The following KCNN2 variants were observed in gnomAD, a reference collection of about 807,000 sequenced individuals.
KCNN2 encodes small conductance calcium-activated potassium channel protein 2.
In KCNN2, 24 loss-of-function variants were observed where a neutral mutation model predicts 55.5. The observed-to-expected ratio is 0.43, with a 90% CI of 0.31 to 0.61. The LOEUF (loss-of-function observed/expected upper bound fraction) is 0.61. KCNN2 is among the 20% of genes least tolerant of loss of function. The probability of loss-of-function intolerance (pLI) is 0.08; values close to 1 mark genes in which losing one functional copy is unlikely to be tolerated. For missense variants in KCNN2, 754 were observed against 853.6 expected, an observed-to-expected ratio of 0.88 and a Z score of 1.45; for synonymous variants, 431 against 336.1, an observed-to-expected ratio of 1.28 and a Z score of -3.09.
At chr5:114,368,419 G>A (rs530021002) in intron 2 of KCNN2, among the ~76,000 whole-genome samples, 2 of 151,952 alleles carry the variant, frequency 1.3e-5, no homozygotes, top group African/African-American at 2.4e-5. Flanking sequence ...CTCTTCATTC[G>A]TGCACCAAGG....
At chr5:114,308,878 TGAAGA>T (rs1050687732) in intron 2 of KCNN2, among the ~76,000 whole-genome samples, 8 of 152,212 alleles carry the variant, frequency 5.3e-5, no homozygotes, top group South Asian at 2.1e-4. Context: ...TATTCCTTTC[TGAAGA>T]GAAGAGTGAA....
chr5:114,093,040 T>G (rs986658795), intron 1 of KCNN2, among the ~76,000 whole-genome samples: 2 of 152,160 alleles, frequency 1.3e-5, no homozygotes, highest in Non-Finnish European at 2.9e-5. Context: ...AGAAAATGGG[T>G]TTTTCTTTTC....
chr5:114,398,738 T>A (rs1287311646), intron 2 of KCNN2, among the ~76,000 whole-genome samples: 6 of 152,152 alleles, frequency 3.9e-5, no homozygotes, highest in Non-Finnish European at 7.3e-5. Flanking sequence ...TTTGTAATTT[T>A]CCTCACAGAG....
chr5:114,211,545 C>T (rs1753886154), intron 1 of KCNN2, among the ~76,000 whole-genome samples: 1 of 152,040 alleles, frequency 6.6e-6, no homozygotes, highest in Non-Finnish European at 1.5e-5. Context: ...GAACAACAGA[C>T]TCTGGGACCT....
chr5:114,352,514 A>C (rs965816459), intron 2 of KCNN2, among the ~76,000 whole-genome samples: 1 of 151,310 alleles, frequency 6.6e-6, no homozygotes, highest in South Asian at 2.1e-4. Flanking sequence ...GTAATATGTT[A>C]GCTTATTGAT....
At chr5:114,454,984 C>T (rs1408807446) in intron 3 of KCNN2, among the ~76,000 whole-genome samples, 2 of 152,056 alleles carry the variant, frequency 1.3e-5, no homozygotes, top group African/African-American at 4.8e-5. Context: ...ACTATTTGCT[C>T]CATCTCTTTT....
At chr5:114,175,291 G>A (rs983848104) in intron 1 of KCNN2, among the ~76,000 whole-genome samples, 8 of 152,072 alleles carry the variant, frequency 5.3e-5, no homozygotes, top group African/African-American at 1.9e-4. Context: ...CTAAGGATTG[G>A]CATCTGTTGC....
At chr5:114,360,372 T>C (rs1215794543), upstream of KCNN2, among the ~76,000 whole-genome samples, 1 of 152,166 alleles carries the variant, frequency 6.6e-6, no homozygotes. Context: ...ATCAAGAAAT[T>C]GGATCCAGCT....
intron 2 of KCNN2, among the ~76,000 whole-genome samples, chr5:114,334,735 T>G (rs954917225): frequency 2.6e-5 from 4 of 152,244 alleles, no homozygotes; most frequent in African/African-American, 2.4e-5. Flanking sequence ...GTACTAATAC[T>G]ATGTATTTAA....
intron 2 of KCNN2, among the ~76,000 whole-genome samples, chr5:114,322,228 G>A (rs1369651188): frequency 6.6e-6 from 1 of 152,166 alleles, no homozygotes; most frequent in Non-Finnish European, 1.5e-5. Flanking sequence ...ATGACAGAAT[G>A]TTGGGGCTTA....
chr5:114,117,856 C>T (rs551736311), intron 1 of KCNN2, among the ~76,000 whole-genome samples: 37 of 152,314 alleles, frequency 2.4e-4, no homozygotes, highest in South Asian at 1.0e-3. Flanking sequence ...TGCTCTACCT[C>T]TGAGCTGTAC....
At chr5:114,454,364 C>T (rs1017858030) in intron 3 of KCNN2, among the ~76,000 whole-genome samples, 2 of 151,936 alleles carry the variant, frequency 1.3e-5, no homozygotes, top group African/African-American at 2.4e-5. Context: ...GCCATTCTCT[C>T]GTATTAAGAG....
At chr5:114,482,450 T>G (rs1257840130) in intron 5 of KCNN2, among the ~76,000 whole-genome samples, 1 of 152,114 alleles carries the variant, frequency 6.6e-6, no homozygotes, top group South Asian at 2.1e-4. Flanking sequence ...AATTCAACCA[T>G]TGTGAAAGAC....
In KCNN2 at chr5:114,493,445, A is replaced by G; in HGVS notation, c.2061A>G (p.Gln687=). Residue 687 remains glutamine, a synonymous_variant, in exon 7 of 8, where the codon CAA becomes CAG. Transcript: ENST00000673685. ...VKMEQRKLND[Q]ANTLVDLAKT... is the part of the protein sequence containing the mutation. ...TGGAGCAGAGGAAACTGAATGACCAAGCAAACACTTTGGTGGACTTGGCAA... is the reference window on the plus strand; with the variant it reads ...TGGAGCAGAGGAAACTGAATGACCAGGCAAACACTTTGGTGGACTTGGCAA... 6.2e-7 allele frequency: 1 copy of G among 1,611,190 alleles called. No individual in the cohort carries two copies. The highest frequency in any genetic ancestry group is 1.1e-5 in the South Asian group (1 of 91,032).
chr5:114,193,180 A>G (rs1033315921), intron 1 of KCNN2, among the ~76,000 whole-genome samples: 4 of 152,066 alleles, frequency 2.6e-5, no homozygotes, highest in Non-Finnish European at 5.9e-5. Context: ...CCAGCTCTTC[A>G]AATGTCTCCC....
chr5:114,096,882 T>C (rs1235383696), intron 1 of KCNN2, among the ~76,000 whole-genome samples: 1 of 152,146 alleles, frequency 6.6e-6, no homozygotes, highest in Non-Finnish European at 1.5e-5. Context: ...CTACTGTAAC[T>C]AAACCTACCA....
intron 1 of KCNN2, among the ~76,000 whole-genome samples, chr5:114,087,507 A>T (rs181008267): frequency 3.7e-4 from 57 of 152,226 alleles, no homozygotes; most frequent in Middle Eastern, 3.4e-3. Context: ...CTAGCCAGCT[A>T]TATCGGCACC....
At chr5:114,380,424 C>G (rs915999143) in intron 2 of KCNN2, among the ~76,000 whole-genome samples, 8 of 152,164 alleles carry the variant, frequency 5.3e-5, no homozygotes, top group Non-Finnish European at 1.2e-4. Flanking sequence ...TCCTGCAGTT[C>G]AATACAGAGC....
At chr5:114,343,325 G>T in intron 2 of KCNN2, among the ~76,000 whole-genome samples, 1 of 152,052 alleles carries the variant, frequency 6.6e-6, no homozygotes, top group East Asian at 1.9e-4. Flanking sequence ...CTATATAACT[G>T]AGTTCTTGTC....
Sources: gnomAD v4.1 joint callset for allele counts (sites outside exome capture counted in the v4.1 genomes callset) on GRCh38, gnomAD v4.1.1 for gene constraint, MANE v1.5 for transcripts, NCBI Gene and HGNC (gene_info 2026-07-23, HGNC 2026-07-21) for gene names.